Variants in NOP2 observed in about 807,000 individuals in gnomAD.
NOP2 encodes 28S rRNA (cytosine(4447)-C(5))-methyltransferase.
NOP2 carries 7 observed loss-of-function variants against 72.7 expected under a neutral mutation model. The observed-to-expected ratio is 0.10, with a 90% confidence interval of 0.05 to 0.18. The LOEUF is 0.18. Ranked by LOEUF, NOP2 falls within the 10% of genes least tolerant of loss-of-function variation. The pLI is 1.00. For synonymous variants in NOP2, 387 were observed against 388.0 expected (o/e 1.00, Z 0.03); for missense variants, 954 against 1,014.7 (o/e 0.94, Z 0.81).
At position 6,563,323 on chromosome 12, in the gene NOP2, G is replaced by T. The variant is rs763936761; in HGVS notation, c.880C>A (p.Leu294Met). 2 of 1,593,116 alleles carry T rather than the reference G, an allele frequency of 1.3e-6. No homozygotes were observed. The highest frequency in any genetic ancestry group is 2.7e-5 in the African/African-American group (2 of 74,496). ...TTCTGGCAATCCAGTACCTCAGACA[G>T]AGGGAAGAGGTCCATGAGCTTGCCA... The part of the protein sequence containing the change: ...LLGKLMDLFP[L>M]SELVEFLEAN... The change falls in exon 8 of 16, where the codon CTG becomes ATG. Residue 294 changes from leucine to methionine, a missense_variant. Physicochemically the swap from Leu to Met is conservative, Grantham distance 15. Around this residue, in one of 3 missense-constraint regions of NOP2, gnomAD observed 498 missense variants for 478.3 expected, o/e 1.04. Coordinates refer to ENST00000322166, the MANE Select transcript of NOP2 (RefSeq NM_001258308.2).
chr12:6,557,590 G>C lies in NOP2; in HGVS notation c.1842C>G (p.Pro614=). The change falls in exon 16 of 16, where the codon CCC becomes CCG. Residue 614 remains proline, a synonymous_variant. Coordinates refer to ENST00000322166, the MANE Select transcript of NOP2 (RefSeq NM_001258308.2). ...CTGGCTGGCTGCTGTTCTCAGACTT[G>C]GGGATGACCTGAGGCAAGTCTACAT... ...PTNVDLPQVI[P]KSENSSQPAK... is the part of the protein sequence containing the mutation. The C allele has an allele frequency of 6.2e-7, 1 of 1,613,708 alleles. No homozygotes were observed. Among genetic ancestry groups the C allele is most frequent in the Non-Finnish European group, 8.5e-7 (1 of 1,179,768 alleles).
rs772243982 is a variant in NOP2, at chr12:6,560,648, C to G, written c.1437+50G>C. The G allele has an allele frequency of 6.2e-7, 1 of 1,611,952 alleles. No homozygotes were observed. The highest frequency in any genetic ancestry group is 1.1e-5 in the South Asian group (1 of 90,974). ...GGTGTCCCCATCTCAGTTTCCAGCT[C>G]TACGAGACCCAGCCAAGGCCTCTCA... On this transcript the variant is annotated intron_variant, in intron 13 of 15. Coordinates refer to ENST00000322166, the MANE Select transcript of NOP2 (RefSeq NM_001258308.2). The surrounding 1 kb of genome is among the most constrained non-coding windows in gnomAD (Gnocchi z 5.0).
chr12:6,567,794 G>A (rs1389159552), intron 2 of NOP2, 22 bp downstream of exon 2: 7 of 1,583,508 alleles, frequency 4.4e-6, no homozygotes, highest in Non-Finnish European at 6.1e-6. Context: ...TGAGGGATCA[G>A]GAGGCCACAA....
rs34342403 is a variant in NOP2 at position 6,565,155 on chromosome 12, A to ATT, written c.474+944_474+945dup. Among the ~76,000 whole-genome samples, 403 of 135,996 alleles carry ATT rather than the reference A, an allele frequency of 3.0e-3. 10 individuals are homozygous for ATT. The highest frequency in any genetic ancestry group is 8.0e-3 in the African/African-American group (290 of 36,448). The allele number at this position is 135,996 out of a possible 152,430, so 89.2% of individuals were successfully genotyped here. A position where few individuals can be genotyped will look rare whatever the true frequency, so the allele number is the denominator to read the frequency against. ...ATTACTATGTCAAAAGGAAGCAGTT[A>ATT]TTTTTTTTTTTTTTTTTTGAGACAG... On this transcript the variant is annotated intron_variant, in intron 5 of 15. Coordinates refer to ENST00000322166, the MANE Select transcript of NOP2 (RefSeq NM_001258308.2).
In NOP2 at chr12:6,557,093, G is replaced by A. The variant is rs749816882; in HGVS notation, c.2339C>T (p.Pro780Leu). The A allele has an allele frequency of 3.7e-6, 6 of 1,613,992 alleles. No homozygotes were observed. The Admixed American group carries it at 5.0e-5, about 13-fold the overall frequency. ...FQKQNDTPKG[P>L]QPPTVSPIRS... Reference sequence around the variant, plus strand: ...GATGGGAGACACAGTGGGAGGCTGAGGCCCCTTGGGGGTATCATTCTGTTT... The same window carrying A: ...GATGGGAGACACAGTGGGAGGCTGAAGCCCCTTGGGGGTATCATTCTGTTT... The change falls in exon 16 of 16, where the codon CCT (proline) becomes CTT (leucine). Residue 780 changes from proline (P) to leucine (L), a missense_variant. Transcript: ENST00000322166.
chr12:6,557,631 T>A lies in NOP2; in HGVS notation c.1801A>T (p.Thr601Ser), dbSNP rs78179294. 3 of 1,609,206 alleles carry A rather than the reference T, an allele frequency of 1.9e-6. No homozygotes were observed. In the South Asian group the frequency reaches 3.3e-5, roughly 18 times the overall value. ...AAGTCTACATTTGTAGGTGTGGCTG[T>A]TTCAGAATTTCCTGGGGTTAAAATT... is the stretch of plus-strand genomic sequence containing the variant. Reference protein sequence around the residue: ...IPQSQTGNSETATPTNVDLPQ... With the variant: ...IPQSQTGNSESATPTNVDLPQ... Residue 601 changes from threonine to serine, a missense_variant, in exon 16 of 16, where the codon ACA becomes TCA. Thr to Ser is a moderately conservative substitution (Grantham distance 58, BLOSUM62 1). Around this residue, in one of 3 missense-constraint regions of NOP2, gnomAD observed 269 missense variants for 260.2 expected, o/e 1.03. Coordinates refer to ENST00000322166, the MANE Select transcript of NOP2 (RefSeq NM_001258308.2).
chr12:6,566,354 C>T lies in NOP2; in HGVS notation c.239-18G>A. ...AGAGATCCCTAAGGGTTTGAAGAGT[C>T]CTGGACTAATGGCAGCCACACATTC... is the stretch of plus-strand genomic sequence containing the variant. On this transcript the variant is annotated intron_variant, in intron 4 of 15. Transcript: ENST00000322166. 1.3e-6 allele frequency: 2 copies of T among 1,598,578 alleles called. No individual in the cohort carries two copies. The highest frequency in any genetic ancestry group is 1.7e-6 in the Non-Finnish European group (2 of 1,168,708).
chr12:6,567,844 C>T lies in NOP2; in HGVS notation c.75G>A (p.Glu25=). ...GRKARKQKGA[E]TELVRFLPAV... ...CAGGCAAGAATCTGACGAGTTCTGT[C>T]TCGGCACCCTTCTGCTTCCGGGCCT... is the stretch of plus-strand genomic sequence containing the variant. Residue 25 remains glutamate, a synonymous_variant, in exon 2 of 16, where the codon GAG becomes GAA. Coordinates refer to ENST00000322166, the MANE Select transcript of NOP2 (RefSeq NM_001258308.2). 6.2e-7 allele frequency: 1 copy of T among 1,614,072 alleles called. No individual in the cohort carries two copies. Among genetic ancestry groups the T allele is most frequent in the Non-Finnish European group, 8.5e-7 (1 of 1,179,904 alleles).
intron 15 of NOP2, among the ~76,000 whole-genome samples, chr12:6,559,035 GCAACCT>G (rs1170609551): frequency 6.6e-6 from 1 of 152,004 alleles, no homozygotes; most frequent in Non-Finnish European, 1.5e-5. Flanking sequence ...TCGGCTTACT[GCAACCT>G]CCACCTCCCA....
chr12:6,557,236 G>T lies in NOP2; in HGVS notation c.2196C>A (p.Ser732=). 1 of 1,614,034 alleles carries T rather than the reference G, an allele frequency of 6.2e-7. No homozygotes were observed. Among genetic ancestry groups the T allele is most frequent in the Non-Finnish European group, 8.5e-7 (1 of 1,179,882 alleles). The change falls in exon 16 of 16, where the codon TCC becomes TCA. Residue 732 remains serine (S), a synonymous_variant. Coordinates refer to ENST00000322166, the MANE Select transcript of NOP2 (RefSeq NM_001258308.2). ...GTDTQTPAVL[S]PSKTQATLKP... ...TCAGGGTGGCCTGAGTCTTGGATGGGGATAACACAGCCGGTGTTTGTGTGT... is the reference window on the plus strand; with the variant it reads ...TCAGGGTGGCCTGAGTCTTGGATGGTGATAACACAGCCGGTGTTTGTGTGT...
rs371766439 is a variant in NOP2 at position 6,563,736 on chromosome 12, T to C, written c.566A>G (p.Glu189Gly). 6.2e-7 allele frequency: 1 copy of C among 1,613,162 alleles called. No homozygotes were observed. The highest frequency in any genetic ancestry group is 1.3e-5 in the African/African-American group (1 of 74,872). ...CTCAGGGGTCACTTCTTTCTCTTCC[T>C]CCTCGTCCTCGGTCTCCTCTTCACT... ...QWSEEETEDE[E>G]EEKEVTPESG... Residue 189 changes from glutamate to glycine, a missense_variant, in exon 7 of 16, where the codon GAG becomes GGG. Around this residue, in one of 3 missense-constraint regions of NOP2, gnomAD observed 498 missense variants for 478.3 expected, o/e 1.04. Coordinates refer to ENST00000322166, the MANE Select transcript of NOP2 (RefSeq NM_001258308.2).
chr12:6,567,697 A>C, intron 2 of NOP2, 119 bp downstream of exon 2: 2 of 750,916 alleles, frequency 2.7e-6, no homozygotes, highest in Non-Finnish European at 4.3e-6. Flanking sequence ...ACCTCCTAGT[A>C]ACTCATACAG....
Position 6,566,214 on chromosome 12 carries a change from C to T in NOP2, c.361G>A (p.Glu121Lys). 2 of 1,614,048 alleles carry T rather than the reference C, an allele frequency of 1.2e-6. No individual in the cohort carries two copies. The highest frequency in any genetic ancestry group is 1.1e-5 in the South Asian group (1 of 91,084). The change falls in exon 5 of 16, where the codon GAA becomes AAA. Residue 121 changes from glutamate (E) to lysine (K), a missense_variant. Physicochemically the swap from Glu to Lys is moderately conservative, Grantham distance 56. Transcript: ENST00000322166. ...SDEEEEEEDS[E>K]EDGMVNHGDL... is the part of the protein sequence containing the mutation. ...CCGTGGTTCACCATACCATCTTCTT[C>T]AGAGTCTTCCTCCTCCTCTTCCTCA...
At chr12:6,567,519 A>G (rs1947814702) in intron 2 of NOP2, 4 of 304,254 alleles carry the variant, frequency 1.3e-5, no homozygotes, top group Non-Finnish European at 1.8e-5. Context: ...ATTTTTCAAA[A>G]CCCAGCTTAA....
chr12:6,560,231 G>A lies in NOP2; in HGVS notation c.1656C>T (p.Thr552=). 6.2e-7 allele frequency: 1 copy of A among 1,613,976 alleles called. No individual in the cohort carries two copies. The highest frequency in any genetic ancestry group is 8.5e-7 in the Non-Finnish European group (1 of 1,179,876). ...TGLDFGQEGF[T]RFRERRFHPS... is the part of the protein sequence containing the mutation. The stretch of plus-strand genomic sequence containing the variant: ...GGTGGAAGCGCCTTTCTCGAAAGCG[G>A]GTAAAACCTTCCTGGCCAAAGTCTA... The change falls in exon 15 of 16, where the codon ACC becomes ACT. Residue 552 remains threonine (T), a synonymous_variant. Coordinates refer to ENST00000322166, the MANE Select transcript of NOP2 (RefSeq NM_001258308.2). The surrounding 1 kb of genome is among the most constrained non-coding windows in gnomAD (Gnocchi z 5.0).
At chr12:6,566,649 G>A in intron 3 of NOP2, 32 bp from the exon 4 acceptor site, 1 of 1,607,478 alleles carries the variant, frequency 6.2e-7, no homozygotes, top group Non-Finnish European at 8.5e-7. Flanking sequence ...AAGGAGTGAA[G>A]AAATGGGAAG....
chr12:6,558,661 G>A (rs1186958604), intron 15 of NOP2, among the ~76,000 whole-genome samples: 1 of 148,432 alleles, frequency 6.7e-6, no homozygotes, highest in African/African-American at 2.5e-5. Flanking sequence ...CCAGGCTGGA[G>A]TACAGTGGTG....
rs1158410755 is a variant in NOP2, at chr12:6,561,058, T to A, written c.1220A>T (p.Lys407Met). 1 of 1,614,006 alleles carries A rather than the reference T, an allele frequency of 6.2e-7. No homozygotes were observed. Residue 407 changes from lysine (K) to methionine (M), a missense_variant, in exon 12 of 16, where the codon AAG (lysine) becomes ATG (methionine). By Grantham distance (95) the Lys-to-Met change is moderately conservative (BLOSUM62 -1). Around this residue, in one of 3 missense-constraint regions of NOP2, gnomAD observed 187 missense variants for 276.2 expected, o/e 0.68. Coordinates refer to ENST00000322166, the MANE Select transcript of NOP2 (RefSeq NM_001258308.2). ...GKTSYMAQLMKNTGVILANDA... is the reference protein window; with the variant it reads ...GKTSYMAQLMMNTGVILANDA... ...ATTGGCAAGGATCACACCCGTGTTC[T>A]TCATCAGCTGGGCTAAAGAGAGGGC...
At position 6,568,222 on chromosome 12, in the gene NOP2, T is replaced by C. The variant is rs1414553409; in HGVS notation, c.-20A>G. Reference sequence around the variant, plus strand: ...CTAGACCCACCAGAATGCGGGTTAATGTCCGAGAGTGCCCTTCGGGCGGCC... The same window carrying C: ...CTAGACCCACCAGAATGCGGGTTAACGTCCGAGAGTGCCCTTCGGGCGGCC... On this transcript the variant is annotated 5_prime_UTR_variant, in exon 1 of 16. Coordinates refer to ENST00000322166, the MANE Select transcript of NOP2 (RefSeq NM_001258308.2). 4 of 317,270 alleles carry C rather than the reference T, an allele frequency of 1.3e-5. No homozygotes were observed. Among genetic ancestry groups the C allele is most frequent in the East Asian group, 6.7e-5 (1 of 14,898 alleles). The allele number at this position is 317,270 out of a possible 1,614,324, so 19.7% of individuals were successfully genotyped here.
Sources: allele counts gnomAD v4.1 joint callset (sites outside exome capture counted in the v4.1 genomes callset), GRCh38; gene constraint gnomAD v4.1.1; regional missense constraint gnomAD v4.1.1; non-coding constraint Gnocchi (gnomAD v3.1); transcripts MANE v1.5; gene names NCBI Gene and HGNC (gene_info 2026-07-23, HGNC 2026-07-21).